FMN2: variants seen among roughly 807,000 people sequenced by gnomAD.
FMN2 encodes the protein formin-2.
A neutral mutation model predicts 142.3 loss-of-function variants in FMN2; 51 were observed. The ratio of observed to expected loss-of-function variants is 0.36; its 90% confidence interval spans 0.29 to 0.45. The LOEUF is 0.45. FMN2 is among the 20% of genes least tolerant of loss of function. FMN2 has a pLI of 1.00. For missense variants in FMN2, 1,936 were observed against 2,122.8 expected, an observed-to-expected ratio of 0.91 and a Z score of 1.73; for synonymous variants, 882 against 869.8, an observed-to-expected ratio of 1.01 and a Z score of -0.25.
At chr1:240,461,486 G>A (rs1429193899) in intron 16 of FMN2, among the ~76,000 whole-genome samples, 1 of 152,068 alleles carries the variant, frequency 6.6e-6, no homozygotes, top group Non-Finnish European at 1.5e-5. Flanking sequence ...CTGCCTTCAG[G>A]GTGCTTACAT....
intron 16 of FMN2, among the ~76,000 whole-genome samples, chr1:240,467,622 A>G (rs1339994504): frequency 6.6e-6 from 1 of 152,158 alleles, no homozygotes; most frequent in Non-Finnish European, 1.5e-5. Context: ...ACTATTCAAA[A>G]TTGGTTATAC....
Position 240,098,097 on chromosome 1 carries a change from A to ATTTTTTTTTTTTTTTTTTTTTTTTTTTTT in FMN2, c.1615+4394_1615+4395insTTTTTTTTTTTTTTTTTTTTTTTTTTTTT, listed in dbSNP as rs35191164. Among the ~76,000 whole-genome samples the ATTTTTTTTTTTTTTTTTTTTTTTTTTTTT allele has an allele frequency of 1.7e-4, 17 of 98,668 alleles. 1 individual carries two copies. Among genetic ancestry groups the ATTTTTTTTTTTTTTTTTTTTTTTTTTTTT allele is most frequent in the African/African-American group, 2.7e-4 (6 of 21,856 alleles). The allele number at this position is 98,668 out of a possible 152,430, so 64.7% of individuals were successfully genotyped here. On this transcript the variant is annotated intron_variant, in intron 1 of 17. Transcript: ENST00000319653. Reference sequence around the variant, plus strand: ...TTGGCCTTTCTAAAGGTTATCTTGAATTTTTTTTTTTTTTTTTTTTTGGAG... The same window carrying ATTTTTTTTTTTTTTTTTTTTTTTTTTTTT: ...TTGGCCTTTCTAAAGGTTATCTTGAATTTTTTTTTTTTTTTTTTTTTTTTTTTTTTTTTTTTTTTTTTTTTTTTTTGGAG...
At chr1:240,439,283 G>GAAAA (rs56092805) in intron 16 of FMN2, among the ~76,000 whole-genome samples, 1 of 65,444 alleles carries the variant, frequency 1.5e-5, no homozygotes, top group Non-Finnish European at 3.6e-5. Context: ...AAAAAAAAAA[G>GAAAA]AAAGAAAGAA....
At chr1:240,147,176 A>G (rs904958956) in intron 2 of FMN2, among the ~76,000 whole-genome samples, 2 of 152,162 alleles carry the variant, frequency 1.3e-5, no homozygotes, top group African/African-American at 2.4e-5. Context: ...CTCTTCAATT[A>G]GTTGGTCTTA....
intron 15 of FMN2, among the ~76,000 whole-genome samples, chr1:240,418,988 A>G (rs950941945): frequency 6.6e-6 from 1 of 152,124 alleles, no homozygotes; most frequent in African/African-American, 2.4e-5. Flanking sequence ...GGCGCCTGTA[A>G]TCCCAGCTAC....
chr1:240,210,424 G>A (rs1666645817), intron 5 of FMN2, among the ~76,000 whole-genome samples: 1 of 152,108 alleles, frequency 6.6e-6, no homozygotes. Flanking sequence ...CCATATCGGG[G>A]GCAAGAATCT....
At chr1:240,149,547 A>G (rs1402781196) in intron 2 of FMN2, among the ~76,000 whole-genome samples, 1 of 152,176 alleles carries the variant, frequency 6.6e-6, no homozygotes, top group African/African-American at 2.4e-5. Flanking sequence ...TCTTTTTGGC[A>G]TGTTTCTAAG....
intron 2 of FMN2, among the ~76,000 whole-genome samples, chr1:240,137,206 A>G (rs954805198): frequency 1.3e-5 from 2 of 151,798 alleles, no homozygotes; most frequent in Non-Finnish European, 2.9e-5. Context: ...GGTCCTCCCA[A>G]TTTGTACTGG....
intron 13 of FMN2, among the ~76,000 whole-genome samples, chr1:240,339,033 A>G (rs114864390): frequency 0.044 from 6,696 of 152,172 alleles, 477 homozygotes; most frequent in African/African-American, 0.15. Flanking sequence ...CTAATGCTGC[A>G]GCTGATCTGA....
Position 240,364,719 on chromosome 1 carries a change from G to A in FMN2, c.4858+8811G>A, listed in dbSNP as rs188774493. 5.9e-5 allele frequency among the ~76,000 whole-genome samples: 9 copies of A among 152,188 alleles called. No homozygotes were observed. The East Asian group carries it at 1.4e-3, about 23-fold the overall frequency. ...CACCGCCTCCTGCATATTTCCAGTC[G>A]GATGCTCCCACTGGCACCTCACACT... is the stretch of plus-strand genomic sequence containing the variant. On this transcript the variant is annotated intron_variant, in intron 14 of 17. Coordinates refer to ENST00000319653, the MANE Select transcript of FMN2 (RefSeq NM_020066.5).
chr1:240,220,753 C>T lies in FMN2; in HGVS notation c.4065+9518C>T, dbSNP rs145550104. Among the ~76,000 whole-genome samples the T allele has an allele frequency of 4.1e-3, 619 of 151,878 alleles. 1 individual carries two copies. The highest frequency in any genetic ancestry group is 6.2e-3 in the Admixed American group (94 of 15,238). ...TTATTATACTTTAAGTTCTGGGATA[C>T]ATGTGCAGAACATGCAGGTTTGTTA... On this transcript the variant is annotated intron_variant, in intron 6 of 17. Transcript: ENST00000319653.
chr1:240,110,522 T>G (rs973792504), intron 1 of FMN2, among the ~76,000 whole-genome samples: 7 of 152,350 alleles, frequency 4.6e-5, no homozygotes, highest in African/African-American at 1.7e-4. Flanking sequence ...TTTGTTCTGA[T>G]GGTGAATAAA....
intron 1 of FMN2, among the ~76,000 whole-genome samples, chr1:240,103,156 G>A (rs1661473048): frequency 6.6e-6 from 1 of 152,194 alleles, no homozygotes; most frequent in African/African-American, 2.4e-5. Flanking sequence ...ATGAGCCACT[G>A]CTCCTGGCCA....
chr1:240,120,747 A>G (rs1662203232), intron 1 of FMN2, among the ~76,000 whole-genome samples: 2 of 152,214 alleles, frequency 1.3e-5, no homozygotes, highest in South Asian at 2.1e-4. Flanking sequence ...AAATTTGAAG[A>G]AAGAATCTGC....
intron 1 of FMN2, among the ~76,000 whole-genome samples, chr1:240,115,912 GT>G: frequency 6.6e-6 from 1 of 152,292 alleles, no homozygotes; most frequent in Non-Finnish European, 1.5e-5. Flanking sequence ...TTACTCGTGA[GT>G]TTTTTTGGAA....
chr1:240,304,332 G>A (rs1052498210), intron 8 of FMN2, among the ~76,000 whole-genome samples: 4 of 152,056 alleles, frequency 2.6e-5, no homozygotes, highest in African/African-American at 9.7e-5. Context: ...AGGGTTTGCT[G>A]GGTTTTTATT....
At chr1:240,379,060 TTTC>T (rs1039919910) in intron 14 of FMN2, among the ~76,000 whole-genome samples, 2 of 152,240 alleles carry the variant, frequency 1.3e-5, no homozygotes, top group Non-Finnish European at 2.9e-5. Flanking sequence ...GTTTTGTGCA[TTTC>T]TTTAGAATAT....
At chr1:240,144,383 G>A in intron 2 of FMN2, 5 of 1,606,886 alleles carry the variant, frequency 3.1e-6, no homozygotes, top group Non-Finnish European at 4.3e-6. Context: ...CCGAGCTAAG[G>A]CCAAGAAGTT....
At chr1:240,107,109 G>C (rs1480304559) in intron 1 of FMN2, among the ~76,000 whole-genome samples, 1 of 151,864 alleles carries the variant, frequency 6.6e-6, no homozygotes, top group Non-Finnish European at 1.5e-5. Context: ...GGATGAAGGA[G>C]CTAGATGTGA....
Sources: allele counts gnomAD v4.1 joint callset (sites outside exome capture counted in the v4.1 genomes callset), GRCh38; gene constraint gnomAD v4.1.1; transcripts MANE v1.5; gene names NCBI Gene and HGNC (gene_info 2026-07-23, HGNC 2026-07-21).